ZSCAN21: variants seen among roughly 807,000 people sequenced by gnomAD.
ZSCAN21 encodes zinc finger and SCAN domain-containing protein 21.
In ZSCAN21, 26 loss-of-function variants were observed where a neutral mutation model predicts 35.6. The ratio of observed to expected loss-of-function variants is 0.73; its 90% CI spans 0.54 to 1.01. The LOEUF (loss-of-function observed/expected upper bound fraction) is 1.01, where lower values mean the gene tolerates loss of function less well. Among genes scored for constraint, ZSCAN21 ranks in the 50% least tolerant of loss-of-function variants. The probability of loss-of-function intolerance (pLI) is 0.00; values close to 1 mark genes in which losing one functional copy is unlikely to be tolerated. For missense variants in ZSCAN21, 593 were observed against 587.1 expected (o/e 1.01, Z -0.10); for synonymous variants, 219 against 219.3 (o/e 1.00, Z 0.01).
At chr7:100,052,696 G>A (rs748598512) in intron 1 of ZSCAN21, among the ~76,000 whole-genome samples, 1 of 152,082 alleles carries the variant, frequency 6.6e-6, no homozygotes, top group African/African-American at 2.4e-5. Flanking sequence ...TTGGGCAGTT[G>A]TGAGTATATA....
In ZSCAN21 at chr7:100,057,150, C is replaced by T. The variant is rs757882126; in HGVS notation, c.144C>T (p.Phe48=). Residue 48 remains phenylalanine (F), a synonymous_variant, in exon 2 of 4, where the codon TTC becomes TTT. Coordinates refer to ENST00000292450, the MANE Select transcript of ZSCAN21 (RefSeq NM_145914.3). ...LPSLEMFRQR[F]RQFGYHDTPG... is the part of the protein sequence containing the mutation. ...GCCTGGAGATGTTCCGCCAGCGCTT[C>T]AGGCAGTTTGGGTACCATGATACCC... is the stretch of plus-strand genomic sequence containing the variant. The T allele has an allele frequency of 2.5e-6, 4 of 1,614,104 alleles. No individual in the cohort carries two copies. Among genetic ancestry groups the T allele is most frequent in the East Asian group, 2.2e-5 (1 of 44,872 alleles).
At chr7:100,052,301 C>T (rs900369419) in intron 1 of ZSCAN21, among the ~76,000 whole-genome samples, 3 of 151,970 alleles carry the variant, frequency 2.0e-5, no homozygotes, top group Non-Finnish European at 2.9e-5. Context: ...AAGTGGTTCA[C>T]GCCTGTAACC....
At chr7:100,062,464 A>G (rs1245826098) in intron 3 of ZSCAN21, among the ~76,000 whole-genome samples, 2 of 151,206 alleles carry the variant, frequency 1.3e-5, no homozygotes, top group South Asian at 2.1e-4. Flanking sequence ...GCATGGTGGC[A>G]CATGCCTGTA....
At chr7:100,060,018 T>C (rs1019593222) in intron 3 of ZSCAN21, among the ~76,000 whole-genome samples, 9 of 152,270 alleles carry the variant, frequency 5.9e-5, no homozygotes, top group African/African-American at 2.2e-4. Context: ...AAGAAACTGT[T>C]AATAAAAACA....
chr7:100,056,026 C>T (rs933420601), intron 1 of ZSCAN21, among the ~76,000 whole-genome samples: 1 of 151,490 alleles, frequency 6.6e-6, no homozygotes, highest in Non-Finnish European at 1.5e-5. Context: ...CTGCAAGCTC[C>T]GTCTCCCGGG....
At position 100,051,178 on chromosome 7, in the gene ZSCAN21, C is replaced by CAAAAAAAAAAAAAAAAAAAAAAAAA. The variant is rs369246193; in HGVS notation, c.-97+1338_-97+1362dup. On this transcript the variant is annotated intron_variant, in intron 1 of 3. Coordinates refer to ENST00000292450, the MANE Select transcript of ZSCAN21 (RefSeq NM_145914.3). ...GGGAAACAAGAGTGAAACTACGTCT[C>CAAAAAAAAAAAAAAAAAAAAAAAAA]AAAAAAAAAAAAAAAAAAAAAAAAA... Among the ~76,000 whole-genome samples the CAAAAAAAAAAAAAAAAAAAAAAAAA allele has an allele frequency of 1.2e-3, 50 of 41,362 alleles. 2 individuals carry two copies. The highest frequency in any genetic ancestry group is 1.6e-3 in the Admixed American group (6 of 3,644). The allele number at this position is 41,362 out of a possible 152,430, so 27.1% of individuals were successfully genotyped here. A position where few individuals can be genotyped will look rare whatever the true frequency, so the allele number is the denominator to read the frequency against.
chr7:100,051,020 C>T (rs1791840647), intron 1 of ZSCAN21, among the ~76,000 whole-genome samples: 1 of 150,780 alleles, frequency 6.6e-6, no homozygotes, highest in South Asian at 2.1e-4. Flanking sequence ...GGAGAAACCC[C>T]GTCTCTACTA....
At chr7:100,060,752 C>T (rs945637865) in intron 3 of ZSCAN21, among the ~76,000 whole-genome samples, 3 of 148,140 alleles carry the variant, frequency 2.0e-5, no homozygotes, top group African/African-American at 5.0e-5. Context: ...CCCAGCTACT[C>T]GGGAGGCTGA....
intron 1 of ZSCAN21, among the ~76,000 whole-genome samples, chr7:100,053,545 A>AGTTTTT (rs1554357976): frequency 7.7e-6 from 1 of 130,380 alleles, no homozygotes; most frequent in African/African-American, 3.1e-5. Flanking sequence ...ATACATACAT[A>AGTTTTT]ATTTTTTTTT....
intron 3 of ZSCAN21, among the ~76,000 whole-genome samples, chr7:100,060,277 G>A (rs949104522): frequency 6.6e-6 from 1 of 152,052 alleles, no homozygotes; most frequent in African/African-American, 2.4e-5. Context: ...GGAAAGAGTT[G>A]GAGAGGGCAG....
At chr7:100,050,158 A>C (rs1349384025) in intron 1 of ZSCAN21, among the ~76,000 whole-genome samples, 1 of 152,126 alleles carries the variant, frequency 6.6e-6, no homozygotes, top group Non-Finnish European at 1.5e-5. Flanking sequence ...TATCAGTCTG[A>C]CCGTGGCCGC....
intron 3 of ZSCAN21, among the ~76,000 whole-genome samples, chr7:100,063,304 G>A (rs1160408951): frequency 1.3e-5 from 2 of 152,274 alleles, no homozygotes; most frequent in South Asian, 2.1e-4. Context: ...TTGTGTGAAA[G>A]TGTGGTATGG....
chr7:100,057,054 T>C lies in ZSCAN21; in HGVS notation c.48T>C (p.Pro16=). The part of the protein sequence containing the change: ...LGMAPVLGPR[P]PQEQVGPLMV... ...TGGCCCCAGTTCTGGGCCCTAGGCC[T>C]CCACAGGAGCAGGTGGGGCCTCTGA... The change falls in exon 2 of 4, where the codon CCT becomes CCC. Residue 16 remains proline, a synonymous_variant. Transcript: ENST00000292450. 1 of 1,614,002 alleles carries C rather than the reference T, an allele frequency of 6.2e-7. No individual in the cohort carries two copies. Among genetic ancestry groups the C allele is most frequent in the South Asian group, 1.1e-5 (1 of 91,060 alleles).
At chr7:100,051,075 G>A (rs1268061457) in intron 1 of ZSCAN21, among the ~76,000 whole-genome samples, 2 of 148,294 alleles carry the variant, frequency 1.3e-5, no homozygotes, top group Non-Finnish European at 3.0e-5. Context: ...CCTGTAAGGA[G>A]GCTGAGGCAG....
intron 1 of ZSCAN21, among the ~76,000 whole-genome samples, chr7:100,054,847 A>AT (rs1353449858): frequency 6.6e-6 from 1 of 151,450 alleles, no homozygotes; most frequent in Non-Finnish European, 1.5e-5. Flanking sequence ...TCAAAAAAAA[A>AT]AAAAAAAAAA....
rs376333144 is a variant in ZSCAN21, at chr7:100,057,689, T to C, written c.400-9T>C. The stretch of plus-strand genomic sequence containing the variant: ...ATGCACAAACCTAGCCATTCCTGAT[T>C]GTCTCTAGGTCTCAACTCCTCCAAA... On this transcript the variant is annotated splice_polypyrimidine_tract_variant and intron_variant, in intron 2 of 3. Coordinates refer to ENST00000292450, the MANE Select transcript of ZSCAN21 (RefSeq NM_145914.3). The C allele has an allele frequency of 2.3e-4, 373 of 1,597,898 alleles. No individual in the cohort carries two copies. Among genetic ancestry groups the C allele is most frequent in the Non-Finnish European group, 3.1e-4 (362 of 1,171,702 alleles).
chr7:100,064,157 CCCT>C lies in ZSCAN21; in HGVS notation c.965_967del (p.Leu322del). On this transcript the variant is annotated inframe_deletion, in exon 4 of 4. Coordinates refer to ENST00000292450, the MANE Select transcript of ZSCAN21 (RefSeq NM_145914.3). ...GCTTTCAGCCACAGCTCAAACCTCA[CCCT>C]CCACTACAGAACACACTTGGTGGAC... 6.2e-7 allele frequency: 1 copy of C among 1,613,940 alleles called. No individual in the cohort carries two copies. The highest frequency in any genetic ancestry group is 8.5e-7 in the Non-Finnish European group (1 of 1,179,990).
Position 100,064,168 on chromosome 7 carries a change from A to C in ZSCAN21, c.973A>C (p.Arg325=), listed in dbSNP as rs1458424499. 5 of 1,614,184 alleles carry C rather than the reference A, an allele frequency of 3.1e-6. No homozygotes were observed. The highest frequency in any genetic ancestry group is 4.5e-5 in the East Asian group (2 of 44,892). Residue 325 remains arginine (R), a synonymous_variant, in exon 4 of 4, where the codon AGA becomes CGA. Transcript: ENST00000292450. ...CAGCTCAAACCTCACCCTCCACTAC[A>C]GAACACACTTGGTGGACCGGCCCTA... The part of the protein sequence containing the change: ...SHSSNLTLHY[R]THLVDRPYDC...
At chr7:100,060,988 G>T (rs1258628454) in intron 3 of ZSCAN21, among the ~76,000 whole-genome samples, 1 of 151,926 alleles carries the variant, frequency 6.6e-6, no homozygotes, top group African/African-American at 2.4e-5. Flanking sequence ...AACCCAGGAG[G>T]TGGAGGTTGT....
Sources: gnomAD v4.1 joint callset for allele counts (sites outside exome capture counted in the v4.1 genomes callset) on GRCh38, gnomAD v4.1.1 for gene constraint, MANE v1.5 for transcripts, NCBI Gene and HGNC (gene_info 2026-07-23, HGNC 2026-07-21) for gene names.